The following CLIP4 variants were observed in gnomAD, a reference collection of about 807,000 sequenced individuals.
CLIP4 encodes the protein CAP-Gly domain containing linker protein family member 4, also known as CAP-Gly domain-containing linker protein 4.
In CLIP4, 47 loss-of-function variants were observed where a neutral mutation model predicts 73.1. The observed-to-expected ratio is 0.64, with a 90% confidence interval of 0.51 to 0.82. CLIP4 has a LOEUF of 0.82. Among genes scored for constraint, CLIP4 ranks in the 40% least tolerant of loss-of-function variants. The probability of loss-of-function intolerance (pLI) is 0.00; values close to 1 mark genes in which losing one functional copy is unlikely to be tolerated. For synonymous variants in CLIP4, 306 were observed against 295.4 expected, an observed-to-expected ratio of 1.04 and a Z score of -0.37; for missense variants, 874 against 852.9, an observed-to-expected ratio of 1.02 and a Z score of -0.31.
At chr2:29,101,392 G>C (rs1317162157) in intron 1 of CLIP4, among the ~76,000 whole-genome samples, 2 of 151,450 alleles carry the variant, frequency 1.3e-5, no homozygotes, top group Non-Finnish European at 2.9e-5. Flanking sequence ...GCAAATCACT[G>C]CTGTAAGTCC....
At position 29,152,719 on chromosome 2, in the gene CLIP4, A is replaced by C; in HGVS notation, c.1056A>C (p.Ala352=). Residue 352 remains alanine, a synonymous_variant, in exon 9 of 16, where the codon GCA becomes GCC. Transcript: ENST00000320081. ...IFAPLSKISK[A]KGRRKNITHT... ...CACCTCTTTCAAAGATAAGTAAAGCAAAAGGTCGAAGGAAGAATATAACAC... is the reference window on the plus strand; with the variant it reads ...CACCTCTTTCAAAGATAAGTAAAGCCAAAGGTCGAAGGAAGAATATAACAC... 1 of 1,613,606 alleles carries C rather than the reference A, an allele frequency of 6.2e-7. No homozygotes were observed. Among genetic ancestry groups the C allele is most frequent in the Non-Finnish European group, 8.5e-7 (1 of 1,179,734 alleles).
intron 1 of CLIP4, among the ~76,000 whole-genome samples, chr2:29,103,308 A>G (rs1184562450): frequency 2.0e-5 from 3 of 151,982 alleles, no homozygotes; most frequent in African/African-American, 7.2e-5. Flanking sequence ...TTTACCTGTC[A>G]ACCTTATGTC....
intron 1 of CLIP4, among the ~76,000 whole-genome samples, chr2:29,109,256 G>T (rs1340995575): frequency 6.6e-6 from 1 of 152,116 alleles, no homozygotes; most frequent in Non-Finnish European, 1.5e-5. Flanking sequence ...AATTTGGGGG[G>T]TGGCTGGTAC....
chr2:29,107,374 T>TTTTTG (rs1558505008), intron 1 of CLIP4, among the ~76,000 whole-genome samples: 1 of 122,394 alleles, frequency 8.2e-6, no homozygotes, highest in East Asian at 2.3e-4. Context: ...TTTTTTTTTT[T>TTTTTG]TTTTTTTTTT....
At chr2:29,158,194 C>T (rs1478897853) in intron 11 of CLIP4, among the ~76,000 whole-genome samples, 1 of 152,182 alleles carries the variant, frequency 6.6e-6, no homozygotes, top group Non-Finnish European at 1.5e-5. Context: ...GGCTTCCTCT[C>T]TCCATACCCC....
intron 12 of CLIP4, among the ~76,000 whole-genome samples, chr2:29,163,258 T>A (rs865982672): frequency 6.6e-6 from 1 of 151,886 alleles, no homozygotes; most frequent in Non-Finnish European, 1.5e-5. Context: ...ACCTTTTCAT[T>A]TAGGTAAAAA....
intron 1 of CLIP4, among the ~76,000 whole-genome samples, chr2:29,105,867 G>A (rs1478433029): frequency 6.6e-6 from 1 of 152,174 alleles, no homozygotes; most frequent in Non-Finnish European, 1.5e-5. Context: ...TTGATCTTGG[G>A]CTTCCTAGAG....
chr2:29,131,682 C>G (rs1410344963), intron 3 of CLIP4: 1 of 276,944 alleles, frequency 3.6e-6, no homozygotes, highest in Non-Finnish European at 6.6e-6. Context: ...AACTTTTATG[C>G]ATTTCATAAA....
chr2:29,119,656 A>G (rs1417984692), intron 1 of CLIP4, among the ~76,000 whole-genome samples: 5 of 152,190 alleles, frequency 3.3e-5, no homozygotes, highest in Non-Finnish European at 1.5e-5. Flanking sequence ...TTTGCTCCTC[A>G]GTACAGCCCT....
At chr2:29,131,650 TC>T (rs1288349436) in intron 3 of CLIP4, 1 of 316,496 alleles carries the variant, frequency 3.2e-6, no homozygotes. Flanking sequence ...CATATTTCCT[TC>T]TTTGTAAAAT....
chr2:29,129,782 G>A (rs1664846076), intron 2 of CLIP4, among the ~76,000 whole-genome samples: 1 of 152,066 alleles, frequency 6.6e-6, no homozygotes, highest in South Asian at 2.1e-4. Flanking sequence ...CACTCCCAAA[G>A]GCAGACTATC....
At chr2:29,160,080 T>C (rs1435010041) in intron 11 of CLIP4, among the ~76,000 whole-genome samples, 1 of 152,224 alleles carries the variant, frequency 6.6e-6, no homozygotes, top group Non-Finnish European at 1.5e-5. Context: ...TCAGGTTTTG[T>C]GAATTTCCCA....
At position 29,145,281 on chromosome 2, in the gene CLIP4, G is replaced by A. The variant is rs751178030; in HGVS notation, c.935G>A (p.Trp312Ter). The A allele has an allele frequency of 1.9e-6, 3 of 1,613,664 alleles. No individual in the cohort carries two copies. Among genetic ancestry groups the A allele is most frequent in the Non-Finnish European group, 2.5e-6 (3 of 1,179,744 alleles). ...ACAACTGAATTTGCAAGTGGGCAGT[G>A]GGCTGGCATTGAACTGGATGAACCA... is the stretch of plus-strand genomic sequence containing the variant. ...CGTTEFASGQ[W>*]AGIELDEPEG... Residue 312 changes from tryptophan (W) to a stop codon, truncating the protein, a stop_gained, in exon 8 of 16, where the codon TGG becomes TAG. Transcript: ENST00000320081. LOFTEE classifies it high-confidence loss of function.
At chr2:29,170,544 G>C (rs541685455) in intron 14 of CLIP4, among the ~76,000 whole-genome samples, 3 of 152,180 alleles carry the variant, frequency 2.0e-5, no homozygotes, top group Admixed American at 6.5e-5. Flanking sequence ...CCCCCAGTCT[G>C]TGACTTGTCT....
upstream of CLIP4, among the ~76,000 whole-genome samples, chr2:29,110,649 T>C (rs1363943327): frequency 6.6e-6 from 1 of 152,114 alleles, no homozygotes; most frequent in South Asian, 2.1e-4. Flanking sequence ...GGGCTGGAGA[T>C]AGAAATTTGG....
At position 29,128,633 on chromosome 2, in the gene CLIP4, G is replaced by A. The variant is rs115944198; in HGVS notation, c.134-2625G>A. ...GCCCATACTCCAAGAAAGTTTAGTC[G>A]TTTTAACAGGAGCTGAAATGCTAGT... On this transcript the variant is annotated intron_variant, in intron 2 of 15. Coordinates refer to ENST00000320081, the MANE Select transcript of CLIP4 (RefSeq NM_024692.6). 2.5e-3 allele frequency among the ~76,000 whole-genome samples: 375 copies of A among 152,142 alleles called. 1 individual carries two copies. The highest frequency in any genetic ancestry group is 8.4e-3 in the African/African-American group (349 of 41,518).
chr2:29,126,073 G>T (rs183212171), intron 2 of CLIP4, among the ~76,000 whole-genome samples: 1 of 152,274 alleles, frequency 6.6e-6, no homozygotes, highest in Non-Finnish European at 1.5e-5. Flanking sequence ...TACTTGGGAG[G>T]CTGAGGCAGA....
intron 1 of CLIP4, among the ~76,000 whole-genome samples, chr2:29,099,299 C>T (rs940193805): frequency 4.6e-5 from 7 of 152,142 alleles, no homozygotes; most frequent in African/African-American, 1.7e-4. Flanking sequence ...TAGATTTTCT[C>T]CTATGTTATC....
At chr2:29,106,089 T>C (rs978000206) in intron 1 of CLIP4, among the ~76,000 whole-genome samples, 1 of 151,984 alleles carries the variant, frequency 6.6e-6, no homozygotes, top group Non-Finnish European at 1.5e-5. Context: ...ATTTAATCTT[T>C]GGATCTAGAC....
Sources: gnomAD v4.1 joint callset for allele counts (sites outside exome capture counted in the v4.1 genomes callset) on GRCh38, gnomAD v4.1.1 for gene constraint, MANE v1.5 for transcripts, NCBI Gene and HGNC (gene_info 2026-07-23, HGNC 2026-07-21) for gene names.